GPALPP1: variants seen among roughly 807,000 people sequenced by gnomAD.
GPALPP1 encodes GPALPP motifs-containing protein 1.
In GPALPP1, 30 loss-of-function variants were observed where a neutral mutation model predicts 38.9. The ratio of observed to expected loss-of-function variants is 0.77; its 90% CI spans 0.58 to 1.05. The LOEUF (loss-of-function observed/expected upper bound fraction) is 1.05, where lower values mean the gene tolerates loss of function less well. Among genes scored for constraint, GPALPP1 ranks in the 50% least tolerant of loss-of-function variants. The pLI is 0.00. For synonymous variants in GPALPP1, 120 were observed against 139.2 expected (o/e 0.86, Z 0.97); for missense variants, 384 against 408.8 (o/e 0.94, Z 0.52).
At chr13:44,990,818 G>T (rs1441342461) in intron 1 of GPALPP1, among the ~76,000 whole-genome samples, 1 of 152,188 alleles carries the variant, frequency 6.6e-6, no homozygotes, top group Non-Finnish European at 1.5e-5. Flanking sequence ...GCTGAGCGAG[G>T]TGGCACAAGC....
chr13:45,001,031 GCTATGTC>G (rs1429570140), intron 1 of GPALPP1, among the ~76,000 whole-genome samples: 1 of 152,070 alleles, frequency 6.6e-6, no homozygotes, highest in East Asian at 1.9e-4. Flanking sequence ...ATAATGTTTG[GCTATGTC>G]CCCACCCAAA....
intron 7 of GPALPP1, among the ~76,000 whole-genome samples, chr13:45,027,538 G>A (rs1875920055): frequency 6.6e-6 from 1 of 151,930 alleles, no homozygotes; most frequent in Non-Finnish European, 1.5e-5. Context: ...CAATATGATT[G>A]CTCTTTCTTT....
intron 1 of GPALPP1, among the ~76,000 whole-genome samples, chr13:44,991,227 T>TC: frequency 6.6e-6 from 1 of 151,880 alleles, no homozygotes; most frequent in East Asian, 2.0e-4. Context: ...GGCGGGCGGA[T>TC]CACGAGGTCG....
At chr13:45,025,106 A>G (rs1389439351) in intron 7 of GPALPP1, among the ~76,000 whole-genome samples, 1 of 152,182 alleles carries the variant, frequency 6.6e-6, no homozygotes, top group Admixed American at 6.5e-5. Context: ...GTAACCAAAA[A>G]CCACTTGTAC....
Position 45,004,338 on chromosome 13 carries a change from G to C in GPALPP1, c.122G>C (p.Ser41Thr), listed in dbSNP as rs752004227. The change falls in exon 2 of 8, where the codon AGC becomes ACC. Residue 41 changes from serine to threonine, a missense_variant. Physicochemically the swap from Ser to Thr is moderately conservative, Grantham distance 58. Coordinates refer to ENST00000379151, the MANE Select transcript of GPALPP1 (RefSeq NM_018559.5). ...CCAGCTCTGCCCCCTAATTATAAAA[G>C]CAGTAGTTCAGATTCATCAGACAGC... ...AGPALPPNYK[S>T]SSSDSSDSDE... 8 of 1,611,312 alleles carry C rather than the reference G, an allele frequency of 5.0e-6. No individual in the cohort carries two copies. Among genetic ancestry groups the C allele is most frequent in the Non-Finnish European group, 5.9e-6 (7 of 1,177,760 alleles).
chr13:45,010,990 A>G (rs1486734948), intron 4 of GPALPP1, among the ~76,000 whole-genome samples: 1 of 150,232 alleles, frequency 6.7e-6, no homozygotes, highest in Non-Finnish European at 1.5e-5. Flanking sequence ...CTCAAAAAGA[A>G]AAAAGAAAAA....
At chr13:44,996,814 T>G (rs1264692664) in intron 1 of GPALPP1, among the ~76,000 whole-genome samples, 2 of 129,188 alleles carry the variant, frequency 1.5e-5, no homozygotes, top group African/African-American at 6.4e-5. Flanking sequence ...TTTTTTCCAG[T>G]TTTTAAAAAT....
chr13:45,002,910 AT>A (rs1873798602), intron 1 of GPALPP1, among the ~76,000 whole-genome samples: 1 of 152,048 alleles, frequency 6.6e-6, no homozygotes, highest in Non-Finnish European at 1.5e-5. Context: ...TCTCAGAGAG[AT>A]TTTTGCCTTA....
At chr13:44,993,638 C>T (rs1465883539) in intron 1 of GPALPP1, among the ~76,000 whole-genome samples, 4 of 150,820 alleles carry the variant, frequency 2.7e-5, no homozygotes, top group Admixed American at 2.0e-4. Flanking sequence ...GCCGAGATCG[C>T]GCCACTGCAC....
At chr13:44,991,942 G>T (rs577905738) in intron 1 of GPALPP1, among the ~76,000 whole-genome samples, 1 of 152,252 alleles carries the variant, frequency 6.6e-6, no homozygotes, top group Non-Finnish European at 1.5e-5. Flanking sequence ...ATTATTATAG[G>T]TTGTTTCTTT....
chr13:45,000,336 G>C (rs1157872651), intron 1 of GPALPP1, among the ~76,000 whole-genome samples: 2 of 152,176 alleles, frequency 1.3e-5, no homozygotes, highest in Admixed American at 1.3e-4. Context: ...AGGCCGAGAT[G>C]GGAGGATCGC....
intron 7 of GPALPP1, among the ~76,000 whole-genome samples, chr13:45,024,262 CTGTGTGTGTGTGTG>C (rs34572145): frequency 1.4e-3 from 35 of 24,256 alleles, no homozygotes; most frequent in East Asian, 9.6e-3. Context: ...CCCTAAAACT[CTGTGTGTGTGTGTG>C]TGTGTGTGTG....
chr13:44,996,489 AT>A (rs200713423), intron 1 of GPALPP1, among the ~76,000 whole-genome samples: 86,430 of 146,750 alleles, frequency 0.59, 29,894 homozygotes, highest in Non-Finnish European at 0.77. Flanking sequence ...TGGGAACGGG[AT>A]TTTTTTTTTT....
chr13:45,026,908 T>C (rs559094235), intron 7 of GPALPP1, among the ~76,000 whole-genome samples: 1 of 152,268 alleles, frequency 6.6e-6, no homozygotes, highest in Admixed American at 6.5e-5. Context: ...ATAGCCTCCT[T>C]TGTTAAATGA....
intron 4 of GPALPP1, among the ~76,000 whole-genome samples, chr13:45,009,816 T>C (rs1324324420): frequency 1.3e-5 from 2 of 152,196 alleles, no homozygotes; most frequent in Non-Finnish European, 2.9e-5. Flanking sequence ...GTCACAGAAA[T>C]GAATCTGTCA....
intron 1 of GPALPP1, among the ~76,000 whole-genome samples, chr13:44,994,515 TG>T: frequency 6.6e-6 from 1 of 152,132 alleles, no homozygotes; most frequent in East Asian, 1.9e-4. Context: ...TGGTCTTCTC[TG>T]TTCCTGCTGC....
At chr13:44,999,641 G>A (rs1257271237) in intron 1 of GPALPP1, among the ~76,000 whole-genome samples, 3 of 152,114 alleles carry the variant, frequency 2.0e-5, no homozygotes, top group Non-Finnish European at 2.9e-5. Flanking sequence ...GTGCAGTGGC[G>A]TGATCTTGGC....
Position 45,024,306 on chromosome 13 carries a change from GTGTT to G in GPALPP1, c.805-3477_805-3474del, listed in dbSNP as rs1566084688. On this transcript the variant is annotated intron_variant, in intron 7 of 7. Transcript: ENST00000379151. ...TGTGTGTGTGTGTGTGTGTGTGTGT[GTGTT>G]TTGAGACTGAGTCTCGCTCTGCTCC... Among the ~76,000 whole-genome samples the G allele has an allele frequency of 7.1e-4, 103 of 145,348 alleles. 1 individual carries two copies. The highest frequency in any genetic ancestry group is 2.2e-3 in the African/African-American group (84 of 38,628).
At chr13:45,034,035 G>T (rs116844686), downstream of GPALPP1, 5 of 152,326 alleles carry the variant, frequency 3.3e-5, no homozygotes, top group East Asian at 9.6e-4. Context: ...GCTAAGCATT[G>T]AATGATAGGA....
Sources: allele counts gnomAD v4.1 joint callset (sites outside exome capture counted in the v4.1 genomes callset), GRCh38; gene constraint gnomAD v4.1.1; transcripts MANE v1.5; gene names NCBI Gene and HGNC (gene_info 2026-07-23, HGNC 2026-07-21).